GALNT18: variants seen among roughly 807,000 people sequenced by gnomAD.
GALNT18 encodes the protein GalNAc-transferase 18.
A neutral mutation model predicts 69.5 loss-of-function variants in GALNT18; 44 were observed. That is an observed-to-expected ratio of 0.63 (90% confidence interval 0.50 to 0.81). The LOEUF (loss-of-function observed/expected upper bound fraction) is 0.81, where lower values mean the gene tolerates loss of function less well. Ranked by LOEUF, GALNT18 falls within the 40% of genes least tolerant of loss-of-function variation. The pLI is 0.00. For synonymous variants in GALNT18, 364 were observed against 318.2 expected, an observed-to-expected ratio of 1.14 and a Z score of -1.53; for missense variants, 715 against 810.0, an observed-to-expected ratio of 0.88 and a Z score of 1.42.
At chr11:11,386,982 ACT>A (rs1854073436) in intron 3 of GALNT18, among the ~76,000 whole-genome samples, 1 of 152,154 alleles carries the variant, frequency 6.6e-6, no homozygotes, top group South Asian at 2.1e-4. Flanking sequence ...TTCAAACAAG[ACT>A]CTCCAGGTGA....
chr11:11,313,329 C>T (rs886575313), intron 9 of GALNT18, among the ~76,000 whole-genome samples: 14 of 152,168 alleles, frequency 9.2e-5, no homozygotes, highest in Non-Finnish European at 2.1e-4. Flanking sequence ...GGAAGGGTAG[C>T]GCTGATTGAG....
intron 1 of GALNT18, among the ~76,000 whole-genome samples, chr11:11,561,489 G>T (rs367929595): frequency 6.6e-6 from 1 of 152,322 alleles, no homozygotes; most frequent in Non-Finnish European, 1.5e-5. Context: ...TGCAAAATGG[G>T]TATAATAATG....
At chr11:11,425,443 G>A (rs1855106581) in intron 3 of GALNT18, among the ~76,000 whole-genome samples, 1 of 152,164 alleles carries the variant, frequency 6.6e-6, no homozygotes, top group African/African-American at 2.4e-5. Context: ...TCCAGGGTAT[G>A]GGATTCTTAA....
At chr11:11,442,650 G>A (rs189502922) in intron 2 of GALNT18, among the ~76,000 whole-genome samples, 6 of 152,242 alleles carry the variant, frequency 3.9e-5, no homozygotes, top group Non-Finnish European at 2.9e-5. Context: ...TATCACTTTG[G>A]TGCTCACAAA....
chr11:11,288,076 CCTGCTTTCAG>C (rs1849226551), intron 10 of GALNT18, among the ~76,000 whole-genome samples: 1 of 152,182 alleles, frequency 6.6e-6, no homozygotes, highest in African/African-American at 2.4e-5. Context: ...TTCTGATCCA[CCTGCTTTCAG>C]CTGCCAGGGG....
intron 1 of GALNT18, among the ~76,000 whole-genome samples, chr11:11,611,867 G>A (rs1333558141): frequency 6.6e-6 from 1 of 152,150 alleles, no homozygotes; most frequent in East Asian, 1.9e-4. Context: ...TGTGGTGGCT[G>A]CTCCCTCACC....
In GALNT18 at chr11:11,413,233, C is replaced by A. The variant is rs1169695072; in HGVS notation, c.595+19388G>T. ...CTGGGACAAGCCCTGCACCGTGTAGCTCAGGCCCTGTTTAGCTGGCTGCTG... is the reference window on the plus strand; with the variant it reads ...CTGGGACAAGCCCTGCACCGTGTAGATCAGGCCCTGTTTAGCTGGCTGCTG... On this transcript the variant is annotated intron_variant, in intron 3 of 10. Transcript: ENST00000227756. This position sits in a 1 kb window ranked among gnomAD's most constrained non-coding sequence, Gnocchi z 4.7. 6.6e-6 allele frequency among the ~76,000 whole-genome samples: 1 copy of A among 152,206 alleles called. No individual in the cohort carries two copies. Among genetic ancestry groups the A allele is most frequent in the Non-Finnish European group, 1.5e-5 (1 of 68,040 alleles).
chr11:11,462,827 A>C (rs1306247648), intron 1 of GALNT18, among the ~76,000 whole-genome samples: 1 of 152,180 alleles, frequency 6.6e-6, no homozygotes, highest in Non-Finnish European at 1.5e-5. Flanking sequence ...TAATGCCCTC[A>C]TTCCTGCTCA....
rs947226813 is a variant in GALNT18 at position 11,500,208 on chromosome 11, C to T, written c.236-51272G>A. Reference sequence around the variant, plus strand: ...GGAGCCTATAGGGAGAAAGTCACAGCACAGGGTTCTAGAAAAGTATAGATC... The same window carrying T: ...GGAGCCTATAGGGAGAAAGTCACAGTACAGGGTTCTAGAAAAGTATAGATC... On this transcript the variant is annotated intron_variant, in intron 1 of 10. Coordinates refer to ENST00000227756, the MANE Select transcript of GALNT18 (RefSeq NM_198516.3). The surrounding 1 kb of genome is among the most constrained non-coding windows in gnomAD (Gnocchi z 5.0). Among the ~76,000 whole-genome samples the T allele has an allele frequency of 5.3e-5, 8 of 152,202 alleles. No individual in the cohort carries two copies. Among genetic ancestry groups the T allele is most frequent in the African/African-American group, 1.9e-4 (8 of 41,446 alleles).
chr11:11,340,654 T>C lies in GALNT18; in HGVS notation c.1278+165A>G, dbSNP rs935854465. 4.6e-5 allele frequency among the ~76,000 whole-genome samples: 7 copies of C among 152,198 alleles called. No homozygotes were observed. The highest frequency in any genetic ancestry group is 1.7e-4 in the African/African-American group (7 of 41,456). ...GGATAAGAAATGGCTTAGAGCCTCA[T>C]GGCCCCTTTTCTTCAGCAAATAATA... is the stretch of plus-strand genomic sequence containing the variant. On this transcript the variant is annotated intron_variant, in intron 7 of 10. Coordinates refer to ENST00000227756, the MANE Select transcript of GALNT18 (RefSeq NM_198516.3). The surrounding 1 kb of genome is among the most constrained non-coding windows in gnomAD (Gnocchi z 4.2).
At chr11:11,279,210 C>G (rs1354234712) in intron 10 of GALNT18, among the ~76,000 whole-genome samples, 2 of 152,190 alleles carry the variant, frequency 1.3e-5, no homozygotes, top group Non-Finnish European at 2.9e-5. Context: ...CATCTTCTGC[C>G]ATAAGCAAAA....
At position 11,310,386 on chromosome 11, in the gene GALNT18, C is replaced by T. The variant is rs116720224; in HGVS notation, c.1512+16700G>A. On this transcript the variant is annotated intron_variant, in intron 9 of 10. Transcript: ENST00000227756. ...TTGTTCAACATGTATTTGTTAAACA[C>T]CTGGAGTGCCCCAAGAAAATATGAT... 2.4e-3 allele frequency among the ~76,000 whole-genome samples: 362 copies of T among 152,278 alleles called. 4 individuals are homozygous for T. Among genetic ancestry groups the T allele is most frequent in the African/African-American group, 8.4e-3 (348 of 41,536 alleles).
At chr11:11,351,347 T>C (rs1008580621) in intron 6 of GALNT18, among the ~76,000 whole-genome samples, 2 of 152,140 alleles carry the variant, frequency 1.3e-5, no homozygotes, top group Non-Finnish European at 2.9e-5. Flanking sequence ...GGTTTGAAGA[T>C]GACATACAGC....
intron 1 of GALNT18, among the ~76,000 whole-genome samples, chr11:11,521,405 C>G (rs1158872540): frequency 1.3e-5 from 2 of 152,134 alleles, no homozygotes; most frequent in African/African-American, 4.8e-5. Flanking sequence ...CAGCTAGACT[C>G]ACTCCTCATC....
chr11:11,328,516 G>T (rs1193795198), intron 8 of GALNT18, among the ~76,000 whole-genome samples: 2 of 152,154 alleles, frequency 1.3e-5, no homozygotes, highest in African/African-American at 4.8e-5. Flanking sequence ...ATAACCAGAG[G>T]CCCACGTGTG....
intron 9 of GALNT18, among the ~76,000 whole-genome samples, chr11:11,322,745 G>T (rs1849859197): frequency 6.6e-6 from 1 of 152,214 alleles, no homozygotes; most frequent in Non-Finnish European, 1.5e-5. Flanking sequence ...CAGTTTATTA[G>T]TTGGCTCAGG....
At chr11:11,550,074 A>G (rs983635455) in intron 1 of GALNT18, among the ~76,000 whole-genome samples, 1 of 152,230 alleles carries the variant, frequency 6.6e-6, no homozygotes, top group African/African-American at 2.4e-5. Flanking sequence ...GCAGCCCTAG[A>G]GAGCAGAGAA....
chr11:11,505,152 T>C lies in GALNT18; in HGVS notation c.236-56216A>G, dbSNP rs938647293. ...GGCTTGAAGAATGAGTGGAGTTCAG[T>C]AGATGAACACAGGGAAAGGATGTTC... is the stretch of plus-strand genomic sequence containing the variant. On this transcript the variant is annotated intron_variant, in intron 1 of 10. Coordinates refer to ENST00000227756, the MANE Select transcript of GALNT18 (RefSeq NM_198516.3). The surrounding 1 kb of genome is among the most constrained non-coding windows in gnomAD (Gnocchi z 4.6). 6.6e-6 allele frequency among the ~76,000 whole-genome samples: 1 copy of C among 152,174 alleles called. No individual in the cohort carries two copies. Among genetic ancestry groups the C allele is most frequent in the Non-Finnish European group, 1.5e-5 (1 of 68,034 alleles).
intron 3 of GALNT18, among the ~76,000 whole-genome samples, chr11:11,410,151 G>T (rs978531352): frequency 1.3e-5 from 2 of 152,148 alleles, no homozygotes; most frequent in African/African-American, 4.8e-5. Context: ...GCCTCTCCCT[G>T]TCAAGGACTC....
Sources: gnomAD v4.1 joint callset for allele counts (sites outside exome capture counted in the v4.1 genomes callset) on GRCh38, gnomAD v4.1.1 for gene constraint, Gnocchi (gnomAD v3.1) non-coding constraint, MANE v1.5 for transcripts, NCBI Gene and HGNC (gene_info 2026-07-23, HGNC 2026-07-21) for gene names.